Variants in ZBTB21 observed in about 807,000 individuals in gnomAD.
ZBTB21 encodes the protein zinc finger and BTB domain containing 21, also known as zinc finger and BTB domain-containing protein 21.
A neutral mutation model predicts 39.8 loss-of-function variants in ZBTB21; 10 were observed. That is an observed-to-expected ratio of 0.25 (90% confidence interval 0.16 to 0.43). The LOEUF is 0.43. Ranked by LOEUF, ZBTB21 falls within the 20% of genes least tolerant of loss-of-function variation. The probability of loss-of-function intolerance (pLI) is 1.00; values close to 1 mark genes in which losing one functional copy is unlikely to be tolerated. For synonymous variants in ZBTB21, 551 were observed against 498.8 expected, an observed-to-expected ratio of 1.10 and a Z score of -1.40; for missense variants, 1,221 against 1,296.3, an observed-to-expected ratio of 0.94 and a Z score of 0.89.
intron 1 of ZBTB21, 66 bp downstream of exon 1, chr21:42,010,184 CGG>C (rs1167653643): frequency 2.5e-6 from 1 of 393,212 alleles, no homozygotes; most frequent in East Asian, 3.6e-5. Flanking sequence ...CCGCGTTTTG[CGG>C]GGAGGCTGTA....
intron 1 of ZBTB21, among the ~76,000 whole-genome samples, chr21:42,004,297 T>C (rs1367059182): frequency 6.6e-6 from 1 of 152,156 alleles, no homozygotes; most frequent in Non-Finnish European, 1.5e-5. Flanking sequence ...CTGTAAGATA[T>C]GAGCCACCGC....
At chr21:42,001,885 A>C (rs1402087847) in intron 2 of ZBTB21, among the ~76,000 whole-genome samples, 1 of 152,364 alleles carries the variant, frequency 6.6e-6, no homozygotes, top group East Asian at 1.9e-4. Context: ...GATAATAAGT[A>C]GCAGGGCAAG....
At chr21:42,010,135 AAGAGG>A (rs2146367670) in intron 1 of ZBTB21, 112 bp downstream of exon 1, 1 of 387,900 alleles carries the variant, frequency 2.6e-6, no homozygotes, top group African/African-American at 2.1e-5. Context: ...GTGGAGAAAA[AAGAGG>A]AGAGAAATCA....
chr21:42,000,569 G>C (rs929750741), intron 2 of ZBTB21, among the ~76,000 whole-genome samples: 1 of 152,174 alleles, frequency 6.6e-6, no homozygotes, highest in African/African-American at 2.4e-5. Context: ...TCCACAGACC[G>C]TATGCATCCC....
In ZBTB21 at chr21:41,992,627, C is replaced by T. The variant is rs531808521; in HGVS notation, c.1469G>A (p.Arg490Gln). Residue 490 changes from arginine (R) to glutamine (Q), a missense_variant, in exon 3 of 3, where the codon CGA becomes CAA. By Grantham distance (43) the Arg-to-Gln change is conservative (BLOSUM62 1). This residue lies in a region of ZBTB21 where 500 missense variants were observed against 465.6 expected (regional missense o/e 1.07). Transcript: ENST00000310826. This position sits in a 1 kb window ranked among gnomAD's most constrained non-coding sequence, Gnocchi z 4.1. ...CTTTAACTTCTTAAACGGCAATCTT[C>T]GGTCCGCTTGGAACCTCCTTTTTGC... ...LPAKRRFQADRRLPFKKLKVN... is the reference protein window; with the variant it reads ...LPAKRRFQADQRLPFKKLKVN... 17 of 1,614,156 alleles carry T rather than the reference C, an allele frequency of 1.1e-5. No homozygotes were observed. The highest frequency in any genetic ancestry group is 4.0e-5 in the African/African-American group (3 of 75,032).
intron 1 of ZBTB21, chr21:42,009,681 G>A (rs2065933537): frequency 6.5e-6 from 1 of 153,026 alleles, no homozygotes; most frequent in Non-Finnish European, 1.5e-5. Context: ...CGGGCACCGA[G>A]CGGTCACGCT....
chr21:41,991,102 A>G lies in ZBTB21; in HGVS notation c.2994T>C (p.Pro998=). The change falls in exon 3 of 3, where the codon CCT becomes CCC. Residue 998 remains proline (P), a synonymous_variant. Transcript: ENST00000310826. The surrounding 1 kb of genome is among the most constrained non-coding windows in gnomAD (Gnocchi z 4.9). ...GGCCTGTGGGGCTGTCAGGCTCCAG[A>G]GGCTGGATCTTGGGCAGTGGTGGTG... ...PPPPPLPKIQ[P]LEPDSPTGLS... 1 of 1,612,752 alleles carries G rather than the reference A, an allele frequency of 6.2e-7. No homozygotes were observed. Among genetic ancestry groups the G allele is most frequent in the South Asian group, 1.1e-5 (1 of 90,802 alleles).
intron 1 of ZBTB21, among the ~76,000 whole-genome samples, chr21:42,006,504 C>T (rs2065880778): frequency 6.6e-6 from 1 of 151,840 alleles, no homozygotes; most frequent in African/African-American, 2.4e-5. Flanking sequence ...GATACTCTGT[C>T]TCTAAGACCT....
At chr21:42,005,648 C>T (rs989059573) in intron 1 of ZBTB21, among the ~76,000 whole-genome samples, 3 of 152,234 alleles carry the variant, frequency 2.0e-5, no homozygotes, top group Non-Finnish European at 4.4e-5. Context: ...GCCTTCCAAA[C>T]CCATCCTAAT....
Position 41,992,230 on chromosome 21 carries a change from C to T in ZBTB21, c.1866G>A (p.Leu622=). The T allele has an allele frequency of 6.2e-7, 1 of 1,614,138 alleles. No individual in the cohort carries two copies. Among genetic ancestry groups the T allele is most frequent in the Non-Finnish European group, 8.5e-7 (1 of 1,180,020 alleles). The change falls in exon 3 of 3, where the codon CTG becomes CTA. Residue 622 remains leucine, a synonymous_variant. Transcript: ENST00000310826. The surrounding 1 kb of genome is among the most constrained non-coding windows in gnomAD (Gnocchi z 4.1). ...TTTCTCTCTCTCTCACTATGTCAAT[C>T]AGCTTTCTTTGGAATTTTTCATCCA... The part of the protein sequence containing the change: ...AVLDEKFQRK[L]IDIVREREIK...
chr21:42,007,138 C>T (rs188765226), intron 1 of ZBTB21, among the ~76,000 whole-genome samples: 2 of 152,308 alleles, frequency 1.3e-5, no homozygotes, highest in Admixed American at 1.3e-4. Flanking sequence ...TTGTGTCTCC[C>T]CAAGAGGACT....
rs61732324 is a variant in ZBTB21, at chr21:41,991,072, G to A, written c.3024C>T (p.Ser1008=). ...PLEPDSPTGL[S]ENPTPATEKL... is the part of the protein sequence containing the mutation. ...TTTCTGTGGCTGGAGTTGGGTTTTC[G>A]GACAGGCCTGTGGGGCTGTCAGGCT... is the stretch of plus-strand genomic sequence containing the variant. Residue 1008 remains serine (S), a synonymous_variant, in exon 3 of 3, where the codon TCC becomes TCT. Transcript: ENST00000310826. The surrounding 1 kb of genome is among the most constrained non-coding windows in gnomAD (Gnocchi z 4.9). 2,571 of 1,597,142 alleles carry A rather than the reference G, an allele frequency of 1.6e-3. 38 individuals carry two copies. The African/African-American group carries it at 0.03, about 19-fold the overall frequency.
chr21:41,991,123 T>G lies in ZBTB21; in HGVS notation c.2973A>C (p.Pro991=). The G allele has an allele frequency of 6.2e-7, 1 of 1,613,444 alleles. No individual in the cohort carries two copies. Among genetic ancestry groups the G allele is most frequent in the Non-Finnish European group, 8.5e-7 (1 of 1,179,706 alleles). ...CCAGAGGCTGGATCTTGGGCAGTGG[T>G]GGTGGCGGTGGCAGAGGTGGTGGAG... The part of the protein sequence containing the change: ...SPSPPPLPPP[P]PLPKIQPLEP... The change falls in exon 3 of 3, where the codon CCA becomes CCC. Residue 991 remains proline (P), a synonymous_variant. Transcript: ENST00000310826. This position sits in a 1 kb window ranked among gnomAD's most constrained non-coding sequence, Gnocchi z 4.9.
In ZBTB21 at chr21:41,988,122, C is replaced by A. The variant is rs2065602372; in HGVS notation, c.*2773G>T. The stretch of plus-strand genomic sequence containing the variant: ...ATATTCTACAAATCTTCAAATATTA[C>A]TGTTAAAATGCACAATATTTGTTAC... On this transcript the variant is annotated 3_prime_UTR_variant, in exon 3 of 3. Coordinates refer to ENST00000310826, the MANE Select transcript of ZBTB21 (RefSeq NM_001098402.2). 6.6e-6 allele frequency: 1 copy of A among 152,198 alleles called. No homozygotes were observed. Among genetic ancestry groups the A allele is most frequent in the South Asian group, 2.1e-4 (1 of 4,836 alleles). 9.4% of individuals were successfully genotyped at this position (152,198 alleles called of 1,614,324 possible). A position where few individuals can be genotyped will look rare whatever the true frequency, so the allele number is the denominator to read the frequency against.
Position 41,992,688 on chromosome 21 carries a change from T to G in ZBTB21, c.1408A>C (p.Thr470Pro). Residue 470 changes from threonine to proline, a missense_variant, in exon 3 of 3, where the codon ACA (threonine) becomes CCA (proline). By Grantham distance (38) the Thr-to-Pro change is conservative. Transcript: ENST00000310826. The surrounding 1 kb of genome is among the most constrained non-coding windows in gnomAD (Gnocchi z 4.1). ...CTCATGTCTTTTTGGTCATCTTCTG[T>G]TTTCAGAGACAGGTCTCTTGTGACC... ...SSVTRDLSLK[T>P]EDDQKDMSRL... is the part of the protein sequence containing the mutation. 6.2e-7 allele frequency: 1 copy of G among 1,614,186 alleles called. No individual in the cohort carries two copies. The highest frequency in any genetic ancestry group is 8.5e-7 in the Non-Finnish European group (1 of 1,180,040).
chr21:42,009,381 CG>C (rs1216266558), intron 1 of ZBTB21: 1 of 152,226 alleles, frequency 6.6e-6, no homozygotes, highest in Non-Finnish European at 1.5e-5. Flanking sequence ...CCCGAAAAGC[CG>C]GGAAGAGATG....
At chr21:41,994,513 C>G (rs1023607435) in intron 2 of ZBTB21, among the ~76,000 whole-genome samples, 15 of 152,178 alleles carry the variant, frequency 9.9e-5, no homozygotes, top group African/African-American at 3.6e-4. Flanking sequence ...GTCTATAATT[C>G]TGAAAGAAAA....
In ZBTB21 at chr21:41,992,264, T is replaced by C. The variant is rs2065671524; in HGVS notation, c.1832A>G (p.His611Arg). 2 of 1,614,224 alleles carry C rather than the reference T, an allele frequency of 1.2e-6. No homozygotes were observed. The highest frequency in any genetic ancestry group is 1.7e-6 in the Non-Finnish European group (2 of 1,180,052). Residue 611 changes from histidine to arginine, a missense_variant, in exon 3 of 3, where the codon CAT becomes CGT. Around this residue, in one of 4 missense-constraint regions of ZBTB21, gnomAD observed 90 missense variants for 133.1 expected, o/e 0.68. Transcript: ENST00000310826. The surrounding 1 kb of genome is among the most constrained non-coding windows in gnomAD (Gnocchi z 4.1). ...VKNPSPASSS[H>R]AVLDEKFQRK... ...TTGGAATTTTTCATCCAAAACAGCA[T>C]GTGAACTAGAGGCTGGTGATGGGTT...
At chr21:41,997,598 C>A (rs12481837) in intron 2 of ZBTB21, among the ~76,000 whole-genome samples, 10,475 of 135,756 alleles carry the variant, frequency 0.077, 441 homozygotes, top group Middle Eastern at 0.1. Context: ...AACAAAAAAA[C>A]AAAAAAACAA....
Sources: allele counts gnomAD v4.1 joint callset (sites outside exome capture counted in the v4.1 genomes callset), GRCh38; gene constraint gnomAD v4.1.1; regional missense constraint gnomAD v4.1.1; non-coding constraint Gnocchi (gnomAD v3.1); transcripts MANE v1.5; gene names NCBI Gene and HGNC (gene_info 2026-07-23, HGNC 2026-07-21).